R3HDM1: variants seen among roughly 807,000 people sequenced by gnomAD.
R3HDM1 encodes R3H domain-containing protein 1.
Under a neutral mutation model 141.1 loss-of-function variants are expected in R3HDM1, and 46 were observed. The observed-to-expected ratio is 0.33, with a 90% CI of 0.26 to 0.42. R3HDM1 has a LOEUF of 0.42. Among genes scored for constraint, R3HDM1 ranks in the 10% least tolerant of loss-of-function variants. The probability of loss-of-function intolerance (pLI) is 1.00; values close to 1 mark genes in which losing one functional copy is unlikely to be tolerated. For synonymous variants in R3HDM1, 435 were observed against 472.9 expected (o/e 0.92, Z 1.04); for missense variants, 1,184 against 1,368.3 (o/e 0.87, Z 2.12).
intron 10 of R3HDM1, 25 bp from the exon 11 acceptor site, chr2:135,636,063 C>A (rs1476437420): frequency 6.2e-7 from 1 of 1,610,468 alleles, no homozygotes; most frequent in African/African-American, 1.3e-5. Flanking sequence ...GTTCATTTGC[C>A]TAAAAATTAT....
In R3HDM1 at chr2:135,567,903, CT is replaced by C. The variant is rs562748072; in HGVS notation, c.-249-34573del. 3.5e-3 allele frequency among the ~76,000 whole-genome samples: 257 copies of C among 73,796 alleles called. 1 individual carries two copies. Among genetic ancestry groups the C allele is most frequent in the African/African-American group, 0.013 (207 of 16,150 alleles). The allele number at this position is 73,796 out of a possible 152,430, so 48.4% of individuals were successfully genotyped here. ...TGCAGGCGTGCATCACCACACCTGG[CT>C]TTTTTTTTTTTTTTTTTTTTTTTGC... On this transcript the variant is annotated intron_variant, in intron 1 of 26. Transcript: ENST00000683871.
intron 1 of R3HDM1, among the ~76,000 whole-genome samples, chr2:135,535,292 A>AG (rs1695821208): frequency 6.6e-6 from 1 of 152,174 alleles, no homozygotes; most frequent in African/African-American, 2.4e-5. Flanking sequence ...CAAGGTCAGC[A>AG]GTTCGAGACC....
At position 135,626,215 on chromosome 2, in the gene R3HDM1, GCT is replaced by G. The variant is rs1336661862; in HGVS notation, c.497+3484_497+3485del. On this transcript the variant is annotated intron_variant, in intron 7 of 26. Coordinates refer to ENST00000683871, the MANE Select transcript of R3HDM1 (RefSeq NM_001378107.1). ...TGCGTGCGTGCGTGCGTGCGTGCTTGCTTGCTTGCTTGCTTGCTTGCTTGCTT... is the reference window on the plus strand; with the variant it reads ...TGCGTGCGTGCGTGCGTGCGTGCTTGTGCTTGCTTGCTTGCTTGCTTGCTT... Among the ~76,000 whole-genome samples, 5 of 143,792 alleles carry G rather than the reference GCT, an allele frequency of 3.5e-5. No individual in the cohort carries two copies. In the South Asian group the frequency reaches 6.2e-4, roughly 18 times the overall value. 94.3% of individuals were successfully genotyped at this position (143,792 alleles called of 152,430 possible).
chr2:135,690,713 T>TA (rs2072230195), intron 21 of R3HDM1, among the ~76,000 whole-genome samples: 1 of 104,668 alleles, frequency 9.6e-6, no homozygotes, highest in Admixed American at 1.0e-4. Context: ...ATAAAAGAGG[T>TA]TTTTTTTGTT....
Position 135,651,980 on chromosome 2 carries a change from T to C in R3HDM1, c.1976T>C (p.Val659Ala). 6.2e-7 allele frequency: 1 copy of C among 1,611,618 alleles called. No homozygotes were observed. Among genetic ancestry groups the C allele is most frequent in the Non-Finnish European group, 8.5e-7 (1 of 1,178,428 alleles). The change falls in exon 18 of 27, where the codon GTC becomes GCC. Residue 659 changes from valine (V) to alanine (A), a missense_variant. Physicochemically the swap from Val to Ala is moderately conservative, Grantham distance 64. This residue lies in a region of R3HDM1 where 563 missense variants were observed against 562.0 expected (regional missense o/e 1.00). Transcript: ENST00000683871. The part of the protein sequence containing the change: ...TAGYPASGHP[V>A]SQPVLQQQGY... ...GGATATCCTGCCTCTGGTCATCCTGTCAGCCAGCCTGTGCTCCAGCAGCAG... is the reference window on the plus strand; with the variant it reads ...GGATATCCTGCCTCTGGTCATCCTGCCAGCCAGCCTGTGCTCCAGCAGCAG...
At chr2:135,571,634 T>C (rs879786478) in intron 1 of R3HDM1, among the ~76,000 whole-genome samples, 8 of 151,600 alleles carry the variant, frequency 5.3e-5, no homozygotes, top group Admixed American at 3.3e-4. Context: ...CCTAATTTTA[T>C]TTACTTTTTT....
Position 135,709,417 on chromosome 2 carries a change from T to C in R3HDM1, c.2460-16T>C. On this transcript the variant is annotated splice_polypyrimidine_tract_variant and intron_variant, in intron 21 of 26. Coordinates refer to ENST00000683871, the MANE Select transcript of R3HDM1 (RefSeq NM_001378107.1). ...CATCCTCCTCTCATTATGCTGTTTT[T>C]TTGTTTTTTCCATAGCTCTTCAGTA... The C allele has an allele frequency of 6.2e-7, 1 of 1,613,792 alleles. No homozygotes were observed. The highest frequency in any genetic ancestry group is 1.1e-5 in the South Asian group (1 of 91,082).
intron 20 of R3HDM1, among the ~76,000 whole-genome samples, chr2:135,676,768 G>C: frequency 6.6e-6 from 1 of 152,186 alleles, no homozygotes; most frequent in East Asian, 1.9e-4. Context: ...CTGAGATTAC[G>C]CCACTGCATT....
chr2:135,641,084 T>C lies in R3HDM1; in HGVS notation c.1220-452T>C, dbSNP rs531014683. Among the ~76,000 whole-genome samples the C allele has an allele frequency of 3.3e-5, 5 of 152,372 alleles. No individual in the cohort carries two copies. In the South Asian group the frequency reaches 1.0e-3, roughly 32 times the overall value. On this transcript the variant is annotated intron_variant, in intron 14 of 26. Coordinates refer to ENST00000683871, the MANE Select transcript of R3HDM1 (RefSeq NM_001378107.1). ...GTCTTAATACAGAATTTATCATTTATTTCTTACACTGAATCTTTCTGTGTT... is the reference window on the plus strand; with the variant it reads ...GTCTTAATACAGAATTTATCATTTACTTCTTACACTGAATCTTTCTGTGTT...
At chr2:135,574,851 G>A (rs758915887) in intron 1 of R3HDM1, among the ~76,000 whole-genome samples, 5 of 152,056 alleles carry the variant, frequency 3.3e-5, no homozygotes, top group Non-Finnish European at 7.4e-5. Context: ...TAGTCCTAAA[G>A]CCAGGAATCT....
chr2:135,662,935 C>T (rs2066919983), intron 19 of R3HDM1, among the ~76,000 whole-genome samples: 1 of 151,902 alleles, frequency 6.6e-6, no homozygotes, highest in South Asian at 2.1e-4. Context: ...AATATCCTTG[C>T]GTGTGACTAA....
chr2:135,534,232 T>C (rs1462941927), intron 1 of R3HDM1, among the ~76,000 whole-genome samples: 25 of 152,242 alleles, frequency 1.6e-4, no homozygotes. Context: ...TATTGTAATA[T>C]CTTTTAAATT....
intron 1 of R3HDM1, among the ~76,000 whole-genome samples, chr2:135,547,384 T>A (rs563620693): frequency 1.6e-4 from 24 of 152,308 alleles, no homozygotes; most frequent in African/African-American, 5.8e-4. Context: ...TCAAATGAAT[T>A]TTTTTAATGC....
In R3HDM1 at chr2:135,638,631, A is replaced by G; in HGVS notation, c.917A>G (p.Gln306Arg). The G allele has an allele frequency of 6.2e-7, 1 of 1,609,944 alleles. No homozygotes were observed. The highest frequency in any genetic ancestry group is 2.2e-5 in the East Asian group (1 of 44,834). ...RIFSQDSLCSQENYIIDKRLQ... is the reference protein window; with the variant it reads ...RIFSQDSLCSRENYIIDKRLQ... ...TCTTTTTTCTAGTCCCTGTGTTCCC[A>G]AGAGAATTACATTATTGACAAAAGG... Residue 306 changes from glutamine (Q) to arginine (R), a missense_variant, in exon 12 of 27, where the codon CAA becomes CGA. Coordinates refer to ENST00000683871, the MANE Select transcript of R3HDM1 (RefSeq NM_001378107.1).
At chr2:135,720,399 T>C (rs1402362240) in intron 24 of R3HDM1, among the ~76,000 whole-genome samples, 1 of 152,262 alleles carries the variant, frequency 6.6e-6, no homozygotes, top group Non-Finnish European at 1.5e-5. Flanking sequence ...CTGAGGATGC[T>C]TTCCTAGCAC....
At chr2:135,640,269 T>C (rs1451860040) in intron 14 of R3HDM1, among the ~76,000 whole-genome samples, 2 of 152,226 alleles carry the variant, frequency 1.3e-5, no homozygotes, top group Admixed American at 1.3e-4. Context: ...ATCTTTTTAA[T>C]GTATAATATG....
intron 3 of R3HDM1, among the ~76,000 whole-genome samples, chr2:135,613,488 T>A (rs1365943514): frequency 6.6e-6 from 1 of 152,098 alleles, no homozygotes; most frequent in African/African-American, 2.4e-5. Flanking sequence ...TTAAATTGTA[T>A]CTTAAGGTCA....
intron 20 of R3HDM1, among the ~76,000 whole-genome samples, chr2:135,678,891 C>G (rs995376179): frequency 6.7e-6 from 1 of 150,218 alleles, no homozygotes; most frequent in Non-Finnish European, 1.5e-5. Context: ...TCCTGAGTAA[C>G]TGGGACTACA....
chr2:135,647,270 G>C lies in R3HDM1; in HGVS notation c.1623+1743G>C, dbSNP rs77486779. Among the ~76,000 whole-genome samples, 709 of 152,254 alleles carry C rather than the reference G, an allele frequency of 4.7e-3. 5 individuals are homozygous for C. Among genetic ancestry groups the C allele is most frequent in the African/African-American group, 0.016 (663 of 41,554 alleles). On this transcript the variant is annotated intron_variant, in intron 16 of 26. Coordinates refer to ENST00000683871, the MANE Select transcript of R3HDM1 (RefSeq NM_001378107.1). Reference sequence around the variant, plus strand: ...CTCTGCCTTGGCTTCAGTCAGCTTGGTCCCAAAGAGTTTCCTCTTTATTAT... The same window carrying C: ...CTCTGCCTTGGCTTCAGTCAGCTTGCTCCCAAAGAGTTTCCTCTTTATTAT...
Sources: gnomAD v4.1 joint callset for allele counts (sites outside exome capture counted in the v4.1 genomes callset) on GRCh38, gnomAD v4.1.1 for gene constraint, gnomAD v4.1.1 regional missense constraint, MANE v1.5 for transcripts, NCBI Gene and HGNC (gene_info 2026-07-23, HGNC 2026-07-21) for gene names.